Variants in AHI1 observed in about 807,000 individuals in gnomAD.
The protein encoded by AHI1 is Abelson helper integration site 1.
A neutral mutation model predicts 149.3 loss-of-function variants in AHI1; 123 were observed. The ratio of observed to expected loss-of-function variants is 0.82; its 90% confidence interval spans 0.71 to 0.96. The LOEUF (loss-of-function observed/expected upper bound fraction) is 0.96, where lower values mean the gene tolerates loss of function less well. Among genes scored for constraint, AHI1 ranks in the 40% least tolerant of loss-of-function variants. The pLI is 0.00. For synonymous variants in AHI1, 475 were observed against 459.8 expected (o/e 1.03, Z -0.42); for missense variants, 1,439 against 1,422.7 (o/e 1.01, Z -0.18).
At chr6:135,427,951 C>CA (rs1784132461) in intron 19 of AHI1, among the ~76,000 whole-genome samples, 1 of 149,946 alleles carries the variant, frequency 6.7e-6, no homozygotes, top group Admixed American at 6.6e-5. Flanking sequence ...AACAATCAAA[C>CA]AAAAACCTAA....
chr6:135,477,740 T>C (rs1056736109), intron 5 of AHI1, among the ~76,000 whole-genome samples: 1 of 152,138 alleles, frequency 6.6e-6, no homozygotes, highest in African/African-American at 2.4e-5. Context: ...CGAATATAAA[T>C]TTCCTGAGGT....
chr6:135,440,600 A>G (rs1430725326), intron 14 of AHI1, among the ~76,000 whole-genome samples: 4 of 152,164 alleles, frequency 2.6e-5, no homozygotes, highest in Non-Finnish European at 5.9e-5. Flanking sequence ...GCAGAGCTGT[A>G]GATTGTGTAC....
intron 24 of AHI1, among the ~76,000 whole-genome samples, chr6:135,343,535 G>A (rs747437329): frequency 1.3e-5 from 2 of 151,382 alleles, no homozygotes; most frequent in African/African-American, 2.4e-5. Flanking sequence ...CATAGAATAG[G>A]CGTGTGTATG....
intron 20 of AHI1, among the ~76,000 whole-genome samples, chr6:135,412,938 G>A (rs1420115717): frequency 2.0e-5 from 3 of 152,114 alleles, no homozygotes; most frequent in Admixed American, 6.6e-5. Flanking sequence ...GTTATCCATC[G>A]AAGGATTACA....
chr6:135,442,935 T>C (rs1786549918), intron 13 of AHI1, among the ~76,000 whole-genome samples: 1 of 152,184 alleles, frequency 6.6e-6, no homozygotes, highest in South Asian at 2.1e-4. Flanking sequence ...GTTTAAGTAG[T>C]ACTTAATTCA....
intron 5 of AHI1, among the ~76,000 whole-genome samples, chr6:135,472,776 G>T (rs1294810441): frequency 6.8e-6 from 1 of 147,858 alleles, no homozygotes; most frequent in Non-Finnish European, 1.5e-5. Context: ...GTGTCTATTT[G>T]CTATCTATAG....
At chr6:135,310,311 T>G (rs540900759) in intron 26 of AHI1, among the ~76,000 whole-genome samples, 1 of 152,340 alleles carries the variant, frequency 6.6e-6, no homozygotes, top group South Asian at 2.1e-4. Flanking sequence ...CTTTGAAGAC[T>G]AAGAAAAACA....
chr6:135,424,322 A>C (rs1783642929), intron 20 of AHI1, among the ~76,000 whole-genome samples: 1 of 152,036 alleles, frequency 6.6e-6, no homozygotes, highest in Admixed American at 6.6e-5. Flanking sequence ...AGGAACAAAC[A>C]AAATGCTATG....
chr6:135,466,174 A>T lies in AHI1; in HGVS notation c.389T>A (p.Ile130Lys). 1 of 1,613,882 alleles carries T rather than the reference A, an allele frequency of 6.2e-7. No homozygotes were observed. The highest frequency in any genetic ancestry group is 8.5e-7 in the Non-Finnish European group (1 of 1,179,866). ...DKQGKPNKKV[I>K]KTVPQLTTQD... The stretch of plus-strand genomic sequence containing the variant: ...TGTAGTCAACTGGGGCACCGTCTTT[A>T]TCACCTTTTTATTTGGCTTTCCTTG... Residue 130 changes from isoleucine (I) to lysine (K), a missense_variant, in exon 7 of 29, where the codon ATA (isoleucine) becomes AAA (lysine). Physicochemically the swap from Ile to Lys is moderately radical, Grantham distance 102 (BLOSUM62 -3). Coordinates refer to ENST00000265602, the MANE Select transcript of AHI1 (RefSeq NM_001134831.2).
chr6:135,470,858 T>C (rs1660025467), intron 5 of AHI1, among the ~76,000 whole-genome samples: 5 of 152,008 alleles, frequency 3.3e-5, no homozygotes, highest in Admixed American at 3.3e-4. Flanking sequence ...AGGTGATGGG[T>C]GGAGAGGTTT....
At chr6:135,380,744 C>A (rs2746435) in intron 23 of AHI1, among the ~76,000 whole-genome samples, 1,353 of 100,474 alleles carry the variant, frequency 0.013, 38 homozygotes, top group African/African-American at 0.048. Context: ...CCCCCCCCCC[C>A]AAAAAAAAAG....
intron 23 of AHI1, among the ~76,000 whole-genome samples, chr6:135,364,502 G>A (rs1794579886): frequency 6.7e-6 from 1 of 150,062 alleles, no homozygotes; most frequent in African/African-American, 2.5e-5. Flanking sequence ...CGGCCGGGCA[G>A]AGGCTGCAAT....
intron 10 of AHI1, among the ~76,000 whole-genome samples, chr6:135,454,758 T>A (rs1399000887): frequency 1.3e-5 from 2 of 152,180 alleles, no homozygotes; most frequent in Non-Finnish European, 2.9e-5. Context: ...AAGAAAATTG[T>A]AACAAATGAC....
intron 27 of AHI1, among the ~76,000 whole-genome samples, chr6:135,293,406 G>GAAAAAAAAA (rs71547029): frequency 5.2e-4 from 34 of 65,588 alleles, no homozygotes; most frequent in Non-Finnish European, 6.5e-4. Flanking sequence ...AAAAAAAAAA[G>GAAAAAAAAA]AAAAAAAAAA....
chr6:135,493,520 C>T (rs1305396680), intron 3 of AHI1, among the ~76,000 whole-genome samples: 1 of 152,204 alleles, frequency 6.6e-6, no homozygotes, highest in Non-Finnish European at 1.5e-5. Context: ...CCTGTATTTA[C>T]TCCTTCTAGC....
chr6:135,402,246 T>G (rs113852958), intron 22 of AHI1, among the ~76,000 whole-genome samples: 5 of 152,294 alleles, frequency 3.3e-5, no homozygotes, highest in South Asian at 2.1e-4. Flanking sequence ...TCACATGCTC[T>G]GGAAAAAGTT....
At chr6:135,446,361 G>A (rs1438993039) in intron 13 of AHI1, among the ~76,000 whole-genome samples, 1 of 152,172 alleles carries the variant, frequency 6.6e-6, no homozygotes, top group Non-Finnish European at 1.5e-5. Flanking sequence ...GGCAGCAAGA[G>A]GGCAGCCAAC....
At chr6:135,395,209 C>T (rs1028266224) in intron 22 of AHI1, among the ~76,000 whole-genome samples, 1 of 151,938 alleles carries the variant, frequency 6.6e-6, no homozygotes, top group Admixed American at 6.6e-5. Flanking sequence ...ATAAAAATGA[C>T]TCCTTGACTG....
intron 5 of AHI1, among the ~76,000 whole-genome samples, chr6:135,481,122 C>T (rs1793568175): frequency 1.3e-5 from 2 of 152,168 alleles, no homozygotes; most frequent in East Asian, 3.9e-4. Context: ...CATTCAGCCC[C>T]CTTGGCATAT....
Sources: allele counts gnomAD v4.1 joint callset (sites outside exome capture counted in the v4.1 genomes callset), GRCh38; gene constraint gnomAD v4.1.1; transcripts MANE v1.5; gene names NCBI Gene and HGNC (gene_info 2026-07-23, HGNC 2026-07-21).